PRKCB: variants seen among roughly 807,000 people sequenced by gnomAD.
PRKCB encodes the protein protein kinase C beta.
A neutral mutation model predicts 81.5 loss-of-function variants in PRKCB; 13 were observed. That is an observed-to-expected ratio of 0.16 (90% CI 0.10 to 0.25). PRKCB has a LOEUF of 0.25. Among genes scored for constraint, PRKCB ranks in the 10% least tolerant of loss-of-function variants. PRKCB has a pLI of 1.00. For missense variants in PRKCB, 509 were observed against 875.7 expected (o/e 0.58, Z 5.29); for synonymous variants, 335 against 321.4 (o/e 1.04, Z -0.45).
At position 24,185,577 on chromosome 16, in the gene PRKCB, T is replaced by C. The variant is rs951694627; in HGVS notation, c.1722+10T>C. 6.2e-6 allele frequency: 10 copies of C among 1,605,420 alleles called. No individual in the cohort carries two copies. The African/African-American group carries it at 6.7e-5, about 11-fold the overall frequency. ...GGCCATCTGCAAAGGGGTAAGTGCA[T>C]CTCTTAAAGCTGTGACCAGGACCAC... On this transcript the variant is annotated intron_variant, in intron 15 of 16. Transcript: ENST00000643927.
At chr16:24,017,929 C>T (rs560786520) in intron 3 of PRKCB, among the ~76,000 whole-genome samples, 6 of 141,912 alleles carry the variant, frequency 4.2e-5, no homozygotes, top group African/African-American at 1.6e-4. Flanking sequence ...GACAGAGTCT[C>T]GCTCTGTGGC....
chr16:24,004,609 T>G (rs1484916798), intron 3 of PRKCB, among the ~76,000 whole-genome samples: 2 of 152,090 alleles, frequency 1.3e-5, no homozygotes, highest in African/African-American at 4.8e-5. Context: ...GAGCTGTGAT[T>G]GCACCACTGC....
chr16:24,120,952 G>A (rs62027458), intron 8 of PRKCB, among the ~76,000 whole-genome samples: 4,343 of 152,204 alleles, frequency 0.029, 86 homozygotes, highest in Middle Eastern at 0.044. Context: ...CTCAGCCCAC[G>A]TGCTGGGGGG....
At chr16:24,168,422 A>G (rs983706098) in intron 10 of PRKCB, among the ~76,000 whole-genome samples, 1 of 152,186 alleles carries the variant, frequency 6.6e-6, no homozygotes, top group East Asian at 1.9e-4. Flanking sequence ...TGACTCAGCC[A>G]TAGCAACATA....
At chr16:24,180,236 C>A in intron 12 of PRKCB, among the ~76,000 whole-genome samples, 1 of 152,130 alleles carries the variant, frequency 6.6e-6, no homozygotes, top group Non-Finnish European at 1.5e-5. Context: ...AGCCAATGTG[C>A]CCTGCCAAAT....
intron 9 of PRKCB, among the ~76,000 whole-genome samples, chr16:24,137,044 ATT>A (rs11321761): frequency 3.3e-4 from 46 of 139,544 alleles, no homozygotes; most frequent in East Asian, 4.2e-4. Context: ...TGCCCGGCTA[ATT>A]TTTTTTTTTT....
chr16:24,075,023 G>T (rs1966160500), intron 5 of PRKCB, among the ~76,000 whole-genome samples: 1 of 151,620 alleles, frequency 6.6e-6, no homozygotes, highest in Middle Eastern at 3.4e-3. Context: ...GGAGGCTGAG[G>T]CAGAAGGCTC....
chr16:23,902,788 C>CCTT (rs1963501982), intron 2 of PRKCB, among the ~76,000 whole-genome samples: 1 of 27,286 alleles, frequency 3.7e-5, no homozygotes, highest in African/African-American at 1.6e-4. Flanking sequence ...CTTCCTCCCT[C>CCTT]CCTCCCTCCC....
intron 16 of PRKCB, among the ~76,000 whole-genome samples, chr16:24,194,347 A>C (rs143680069): frequency 0.069 from 10,406 of 151,728 alleles, 374 homozygotes; most frequent in Non-Finnish European, 0.079. Flanking sequence ...AACAAACAAA[A>C]AAACAAAAAA....
At chr16:23,980,688 A>G (rs1414412044) in intron 2 of PRKCB, among the ~76,000 whole-genome samples, 1 of 152,122 alleles carries the variant, frequency 6.6e-6, no homozygotes, top group Non-Finnish European at 1.5e-5. Flanking sequence ...TAGAATTTCT[A>G]TCCCAGATTG....
At chr16:23,934,836 G>A (rs76973283) in intron 2 of PRKCB, among the ~76,000 whole-genome samples, 5,096 of 152,244 alleles carry the variant, frequency 0.033, 132 homozygotes, top group Middle Eastern at 0.051. Context: ...AGAGGAGGAG[G>A]AGGAAGCCAG....
At chr16:23,957,827 C>T (rs999309218) in intron 2 of PRKCB, among the ~76,000 whole-genome samples, 2 of 152,110 alleles carry the variant, frequency 1.3e-5, no homozygotes, top group African/African-American at 4.8e-5. Context: ...GATTGCAAAT[C>T]GTTAAGGGTA....
At chr16:24,130,679 C>A (rs1291967720) in intron 9 of PRKCB, among the ~76,000 whole-genome samples, 1 of 152,192 alleles carries the variant, frequency 6.6e-6, no homozygotes, top group Non-Finnish European at 1.5e-5. Context: ...TGATTGGGGA[C>A]AAGGTGTCTT....
In PRKCB at chr16:24,191,262, A is replaced by G. The variant is rs775245617; in HGVS notation, c.1863+32A>G. 5.0e-6 allele frequency: 8 copies of G among 1,612,650 alleles called. No homozygotes were observed. The Admixed American group carries it at 5.0e-5, about 10-fold the overall frequency. ...AGCCCATTCTCTCTGACTGCCGGGT[A>G]TTCACACACAAGGTATTCTTGCCTG... On this transcript the variant is annotated intron_variant, in intron 16 of 16. Transcript: ENST00000643927.
chr16:24,177,971 T>C (rs1480648463), intron 12 of PRKCB, among the ~76,000 whole-genome samples: 1 of 152,180 alleles, frequency 6.6e-6, no homozygotes, highest in Non-Finnish European at 1.5e-5. Flanking sequence ...GATAGTCAAA[T>C]GGAAATGGTA....
intron 9 of PRKCB, among the ~76,000 whole-genome samples, chr16:24,124,856 C>T (rs879934330): frequency 2.6e-5 from 4 of 152,100 alleles, no homozygotes; most frequent in Admixed American, 6.5e-5. Context: ...CTGTTCCTGG[C>T]CACCGCCCCC....
At chr16:23,932,832 A>G (rs1258431152) in intron 2 of PRKCB, among the ~76,000 whole-genome samples, 1 of 152,064 alleles carries the variant, frequency 6.6e-6, no homozygotes, top group Non-Finnish European at 1.5e-5. Context: ...GGGGGCTTTT[A>G]GTGGGGTTCT....
intron 16 of PRKCB, among the ~76,000 whole-genome samples, chr16:24,202,678 A>C (rs1967977240): frequency 1.3e-5 from 2 of 152,202 alleles, no homozygotes; most frequent in South Asian, 4.1e-4. Context: ...TACATCACAC[A>C]CAAGGATGTT....
At chr16:24,191,353 A>G in intron 16 of PRKCB, 123 bp downstream of exon 16, 1 of 1,086,662 alleles carries the variant, frequency 9.2e-7, no homozygotes. Context: ...ACATGGGTGT[A>G]TGTATTCACA....
Sources: gnomAD v4.1 joint callset for allele counts (sites outside exome capture counted in the v4.1 genomes callset) on GRCh38, gnomAD v4.1.1 for gene constraint, MANE v1.5 for transcripts, NCBI Gene and HGNC (gene_info 2026-07-23, HGNC 2026-07-21) for gene names.